Variants in B3GAT2 observed in about 807,000 individuals in gnomAD.
B3GAT2 encodes galactosylgalactosylxylosylprotein 3-beta-glucuronosyltransferase 2.
In B3GAT2, 26 loss-of-function variants were observed where a neutral mutation model predicts 27.8. The observed-to-expected ratio is 0.93, with a 90% confidence interval of 0.68 to 1.30. The LOEUF is 1.30. Ranked by LOEUF, B3GAT2 falls within the 50% of genes most tolerant of loss-of-function variation. B3GAT2 has a pLI of 0.00. For synonymous variants in B3GAT2, 218 were observed against 195.1 expected, an observed-to-expected ratio of 1.12 and a Z score of -0.98; for missense variants, 458 against 459.0, an observed-to-expected ratio of 1.00 and a Z score of 0.02.
At chr6:70,949,362 AAAAC>A (rs1318619929) in intron 1 of B3GAT2, among the ~76,000 whole-genome samples, 2 of 152,226 alleles carry the variant, frequency 1.3e-5, no homozygotes, top group African/African-American at 2.4e-5. Flanking sequence ...TTTACAAGAA[AAAAC>A]AAACAACCCC....
intron 2 of B3GAT2, among the ~76,000 whole-genome samples, chr6:70,880,825 C>T (rs1276252020): frequency 6.6e-6 from 1 of 152,010 alleles, no homozygotes; most frequent in Non-Finnish European, 1.5e-5. Context: ...ACCACCATGC[C>T]CAGCCAATTT....
chr6:70,953,991 C>T (rs929549935), intron 1 of B3GAT2, among the ~76,000 whole-genome samples: 2 of 152,168 alleles, frequency 1.3e-5, no homozygotes, highest in Non-Finnish European at 2.9e-5. Flanking sequence ...TCTTCTAACA[C>T]CTCACACCAA....
intron 2 of B3GAT2, among the ~76,000 whole-genome samples, chr6:70,884,636 A>G (rs1172016477): frequency 6.6e-6 from 1 of 152,214 alleles, no homozygotes; most frequent in African/African-American, 2.4e-5. Flanking sequence ...GTGATGGAAA[A>G]TCAGGAAAAA....
intron 2 of B3GAT2, among the ~76,000 whole-genome samples, chr6:70,866,408 T>C (rs1177922002): frequency 6.6e-6 from 1 of 152,202 alleles, no homozygotes; most frequent in Non-Finnish European, 1.5e-5. Flanking sequence ...TATAATATAG[T>C]ATAACATTAC....
Position 70,955,994 on chromosome 6 carries a change from G to A in B3GAT2, c.436C>T (p.Arg146Trp). Residue 146 changes from arginine (R) to tryptophan (W), a missense_variant, in exon 1 of 4, where the codon CGG becomes TGG. By Grantham distance (101) the Arg-to-Trp change is moderately radical (BLOSUM62 -3). Transcript: ENST00000230053. ...PSTHLHVPTP[R>W]RYKRPGLPRA... ...GGCAGCCCGGGCCGCTTGTAGCGCC[G>A]CGGCGTGGGCACGTGCAGGTGAGTG... 6.9e-7 allele frequency: 1 copy of A among 1,456,264 alleles called. No homozygotes were observed. Among genetic ancestry groups the A allele is most frequent in the Non-Finnish European group, 9.0e-7 (1 of 1,113,632 alleles). The allele number at this position is 1,456,264 out of a possible 1,614,324, so 90.2% of individuals were successfully genotyped here.
At chr6:70,938,117 A>AG (rs1356768452) in intron 1 of B3GAT2, among the ~76,000 whole-genome samples, 1 of 150,884 alleles carries the variant, frequency 6.6e-6, no homozygotes, top group African/African-American at 2.4e-5. Context: ...TAACAGACAA[A>AG]CAGAGAGCCA....
chr6:70,899,332 G>A (rs921039260), intron 1 of B3GAT2, among the ~76,000 whole-genome samples: 2 of 152,156 alleles, frequency 1.3e-5, no homozygotes, highest in African/African-American at 4.8e-5. Context: ...CAGGTTCTAG[G>A]TAACCAGATG....
At chr6:70,928,217 C>T (rs966687793) in intron 1 of B3GAT2, among the ~76,000 whole-genome samples, 2 of 151,722 alleles carry the variant, frequency 1.3e-5, no homozygotes, top group Non-Finnish European at 2.9e-5. Flanking sequence ...CACTAAATGC[C>T]CACAAGAGAA....
At chr6:70,866,856 A>G (rs1771859555) in intron 2 of B3GAT2, among the ~76,000 whole-genome samples, 1 of 152,262 alleles carries the variant, frequency 6.6e-6, no homozygotes, top group Non-Finnish European at 1.5e-5. Context: ...CAACAACAGC[A>G]GAATACAATC....
intron 2 of B3GAT2, among the ~76,000 whole-genome samples, chr6:70,876,113 CAG>C (rs1772009901): frequency 6.6e-6 from 1 of 152,176 alleles, no homozygotes; most frequent in African/African-American, 2.4e-5. Flanking sequence ...CTGGGCATGG[CAG>C]AGTCAACATG....
At position 70,955,889 on chromosome 6, in the gene B3GAT2, G is replaced by A. The variant is rs1368913428; in HGVS notation, c.541C>T (p.Leu181Phe). ...GTGTTGTCGTCGTCAGCGAAGAAGA[G>A]CACGCCGGGCTGCGCGCGCTGGTGC... ...HQHQRAQPGVLFFADDDNTYS... is the reference protein window; with the variant it reads ...HQHQRAQPGVFFFADDDNTYS... Residue 181 changes from leucine (L) to phenylalanine (F), a missense_variant, in exon 1 of 4, where the codon CTC becomes TTC. By Grantham distance (22) the Leu-to-Phe change is conservative (BLOSUM62 0). Transcript: ENST00000230053. The A allele has an allele frequency of 2.7e-5, 43 of 1,604,796 alleles. No individual in the cohort carries two copies. The highest frequency in any genetic ancestry group is 3.5e-5 in the Non-Finnish European group (41 of 1,176,658).
chr6:70,942,476 T>C (rs1169562497), intron 1 of B3GAT2, among the ~76,000 whole-genome samples: 2 of 152,162 alleles, frequency 1.3e-5, no homozygotes, highest in Non-Finnish European at 2.9e-5. Context: ...CATCACCCAC[T>C]AGGCCCTGTT....
intron 1 of B3GAT2, among the ~76,000 whole-genome samples, chr6:70,915,643 C>T (rs935312436): frequency 6.6e-6 from 1 of 152,172 alleles, no homozygotes; most frequent in Non-Finnish European, 1.5e-5. Context: ...GTTTTCCCAG[C>T]ACCATTTATT....
intron 1 of B3GAT2, among the ~76,000 whole-genome samples, chr6:70,943,595 G>GA (rs1765426414): frequency 6.6e-6 from 1 of 152,104 alleles, no homozygotes; most frequent in Non-Finnish European, 1.5e-5. Context: ...AGCAAATGAG[G>GA]AAAAACTTAA....
intron 2 of B3GAT2, among the ~76,000 whole-genome samples, chr6:70,893,345 T>C (rs530138503): frequency 1.3e-5 from 2 of 151,964 alleles, no homozygotes; most frequent in Non-Finnish European, 2.9e-5. Context: ...AGCTCAAGAT[T>C]GATGAGATCA....
intron 2 of B3GAT2, among the ~76,000 whole-genome samples, chr6:70,884,731 G>T (rs1772156078): frequency 6.6e-6 from 1 of 152,226 alleles, no homozygotes; most frequent in African/African-American, 2.4e-5. Context: ...GAAGAAAAGT[G>T]ACATTGCATA....
chr6:70,871,768 G>GT (rs778088037), intron 2 of B3GAT2, among the ~76,000 whole-genome samples: 24 of 151,246 alleles, frequency 1.6e-4, no homozygotes, highest in East Asian at 1.2e-3. Flanking sequence ...TTCTTTTTCT[G>GT]TTTTTTTATG....
rs1250874444 is a variant in B3GAT2 at position 70,860,303 on chromosome 6, G to A, written c.*1360C>T. 18 of 1,613,256 alleles carry A rather than the reference G, an allele frequency of 1.1e-5. No homozygotes were observed. Among genetic ancestry groups the A allele is most frequent in the Non-Finnish European group, 1.4e-5 (17 of 1,179,744 alleles). On this transcript the variant is annotated 3_prime_UTR_variant, in exon 4 of 4. Transcript: ENST00000230053. ...GCAGGATGGTCTGGAAGCTCATCAG[G>A]TCAGACTCTCAGCACACAACTGTGG...
chr6:70,933,386 T>A (rs918168226), intron 1 of B3GAT2, among the ~76,000 whole-genome samples: 11 of 151,788 alleles, frequency 7.2e-5, no homozygotes, highest in Non-Finnish European at 1.3e-4. Flanking sequence ...TAAAGAAGAA[T>A]GAAAAAAATT....
Sources: allele counts gnomAD v4.1 joint callset (sites outside exome capture counted in the v4.1 genomes callset), GRCh38; gene constraint gnomAD v4.1.1; transcripts MANE v1.5; gene names NCBI Gene and HGNC (gene_info 2026-07-23, HGNC 2026-07-21).